AHCY: variants seen among roughly 807,000 people sequenced by gnomAD.
The protein encoded by AHCY is adenosylhomocysteinase, also known as S-adenosyl-L-homocysteine hydrolase.
Under a neutral mutation model 45.4 loss-of-function variants are expected in AHCY, and 24 were observed. That is an observed-to-expected ratio of 0.53 (90% CI 0.38 to 0.74). The LOEUF (loss-of-function observed/expected upper bound fraction) is 0.74. AHCY is among the 30% of genes least tolerant of loss of function. The pLI is 0.00. For missense variants in AHCY, 449 were observed against 594.1 expected (o/e 0.76, Z 2.54); for synonymous variants, 245 against 235.1 (o/e 1.04, Z -0.39).
the AHCY span, among the ~76,000 whole-genome samples, chr20:34,252,251 C>T: frequency 6.6e-5 from 10 of 152,140 alleles, no homozygotes; most frequent in African/African-American, 2.4e-4. Flanking sequence ...ATACAGAGGA[C>T]CCGCACTGGT....
intron 8 of AHCY, among the ~76,000 whole-genome samples, chr20:34,285,858 T>C (rs932958682): frequency 8.5e-5 from 13 of 152,090 alleles, no homozygotes; most frequent in African/African-American, 2.9e-4. Context: ...CCCAGCACTT[T>C]GGAAGGCCGA....
upstream of AHCY, among the ~76,000 whole-genome samples, chr20:34,304,525 A>T (rs1362360773): frequency 1.4e-5 from 2 of 142,180 alleles, no homozygotes; most frequent in Non-Finnish European, 3.1e-5. Flanking sequence ...TTTCCCCTGA[A>T]TTTTTTTTTT....
the AHCY span, among the ~76,000 whole-genome samples, chr20:34,249,084 G>GCT: frequency 6.6e-6 from 1 of 150,454 alleles, no homozygotes; most frequent in Admixed American, 6.6e-5. Flanking sequence ...AGCTGAGATG[G>GCT]CACCACTGCA....
At chr20:34,292,624 G>T in intron 3 of AHCY, 117 bp from the exon 4 acceptor site, 1 of 1,463,936 alleles carries the variant, frequency 6.8e-7, no homozygotes, top group Non-Finnish European at 9.5e-7. Flanking sequence ...GCCACCTCCG[G>T]CCCCTCTGAA....
the AHCY span, among the ~76,000 whole-genome samples, chr20:34,239,223 C>A: frequency 4.6e-5 from 7 of 152,042 alleles, no homozygotes; most frequent in African/African-American, 1.7e-4. Context: ...CTCCCAACCC[C>A]ATGTTCAAAT....
the AHCY span, among the ~76,000 whole-genome samples, chr20:34,245,074 GC>G: frequency 6.6e-6 from 1 of 152,068 alleles, no homozygotes; most frequent in South Asian, 2.1e-4. Context: ...AGTGGCTCAT[GC>G]CTGTAATCCC....
chr20:34,276,667 G>T (rs2035912708), downstream of AHCY, among the ~76,000 whole-genome samples: 1 of 152,054 alleles, frequency 6.6e-6, no homozygotes, highest in Non-Finnish European at 1.5e-5. Context: ...TCTAGTCCTG[G>T]GGGAGTCTGA....
At chr20:34,295,639 G>C in intron 1 of AHCY, 54 bp from the exon 2 acceptor site, 1 of 1,586,682 alleles carries the variant, frequency 6.3e-7, no homozygotes, top group South Asian at 1.1e-5. Flanking sequence ...CACCAACCAA[G>C]AGGGGCGGTC....
the AHCY span, among the ~76,000 whole-genome samples, chr20:34,250,915 G>A: frequency 5.9e-5 from 9 of 152,170 alleles, no homozygotes; most frequent in African/African-American, 2.2e-4. Flanking sequence ...TGCCTTCAGT[G>A]CACACTCAGG....
Position 34,295,558 on chromosome 20 carries a change from C to G in AHCY, c.56G>C (p.Arg19Pro), listed in dbSNP as rs758133308. 1 of 1,614,138 alleles carries G rather than the reference C, an allele frequency of 6.2e-7. No homozygotes were observed. Among genetic ancestry groups the G allele is most frequent in the Non-Finnish European group, 8.5e-7 (1 of 1,180,026 alleles). Residue 19 changes from arginine to proline, a missense_variant, in exon 2 of 10, where the codon CGC becomes CCC. Coordinates refer to ENST00000217426, the MANE Select transcript of AHCY (RefSeq NM_000687.4). ...VADIGLAAWG[R>P]KALDIAENEM... ...GTTCTCAGCAATGTCCAGGGCCTTG[C>G]GTCCCCAGGCAGCCAGGCCGATGTC...
downstream of AHCY, among the ~76,000 whole-genome samples, chr20:34,279,352 T>C (rs1601630665): frequency 6.9e-6 from 1 of 144,064 alleles, no homozygotes; most frequent in Non-Finnish European, 1.5e-5. Context: ...ACCTGGGAGG[T>C]GGAGCTTGCA....
At chr20:34,311,460 C>T (rs1407496021) in intron 1 of AHCY, 1 of 152,304 alleles carries the variant, frequency 6.6e-6, no homozygotes, top group Non-Finnish European at 1.5e-5. Context: ...TCCTCCCGAC[C>T]TTTGTACCTG....
rs1476664748 is a variant in AHCY at position 34,298,607 on chromosome 20, GGA to G, written c.29-3024_29-3023del. On this transcript the variant is annotated intron_variant, in intron 1 of 9. Transcript: ENST00000217426. ...AGCAGACTGGGAAGTGGCGGCGGCG[GGA>G]GGGGGGGGGGTGTCTCCCTTTCCCC... 1.3e-3 allele frequency among the ~76,000 whole-genome samples: 178 copies of G among 135,840 alleles called. 7 individuals carry two copies. The highest frequency in any genetic ancestry group is 1.3e-3 in the South Asian group (6 of 4,470). 89.1% of individuals were successfully genotyped at this position (135,840 alleles called of 152,430 possible).
the AHCY span, among the ~76,000 whole-genome samples, chr20:34,274,901 C>G: frequency 6.6e-6 from 1 of 152,114 alleles, no homozygotes; most frequent in African/African-American, 2.4e-5. Flanking sequence ...CTGCAGTGAG[C>G]CATGAATGTG....
At chr20:34,284,771 C>T (rs1256283740) in intron 9 of AHCY, among the ~76,000 whole-genome samples, 1 of 152,058 alleles carries the variant, frequency 6.6e-6, no homozygotes, top group African/African-American at 2.4e-5. Context: ...TGCAGTAAGC[C>T]GAGATCACGT....
intron 1 of AHCY, among the ~76,000 whole-genome samples, chr20:34,309,132 G>A (rs894948457): frequency 2.0e-5 from 3 of 147,864 alleles, no homozygotes; most frequent in African/African-American, 7.5e-5. Context: ...GCTAATTTTT[G>A]TATTTTTAGT....
chr20:34,246,394 A>G, the AHCY span: 1 of 1,388,596 alleles, frequency 7.2e-7, no homozygotes, highest in Non-Finnish European at 1.0e-6. Context: ...TACAATGAGC[A>G]ACATCAGGCA....
the AHCY span, among the ~76,000 whole-genome samples, chr20:34,266,508 ACT>A: frequency 6.6e-6 from 1 of 152,020 alleles, no homozygotes; most frequent in South Asian, 2.1e-4. Context: ...CCCCGTCTCT[ACT>A]AAAAATACAA....
chr20:34,290,402 T>C lies in AHCY; in HGVS notation c.902A>G (p.His301Arg). ...CTTGACATCGATCTCCACGTCAAAG[T>C]GTCCAATGTTACACACAATGGCATC... ...KDDAIVCNIG[H>R]FDVEIDVKWL... Residue 301 changes from histidine to arginine, a missense_variant, in exon 8 of 10, where the codon CAC (histidine) becomes CGC (arginine). By Grantham distance (29) the His-to-Arg change is conservative. Coordinates refer to ENST00000217426, the MANE Select transcript of AHCY (RefSeq NM_000687.4). The surrounding 1 kb of genome is among the most constrained non-coding windows in gnomAD (Gnocchi z 4.5). 2 of 1,614,198 alleles carry C rather than the reference T, an allele frequency of 1.2e-6. No individual in the cohort carries two copies. Among genetic ancestry groups the C allele is most frequent in the South Asian group, 1.1e-5 (1 of 91,084 alleles).
Sources: allele counts gnomAD v4.1 joint callset (sites outside exome capture counted in the v4.1 genomes callset), GRCh38; gene constraint gnomAD v4.1.1; non-coding constraint Gnocchi (gnomAD v3.1); transcripts MANE v1.5; gene names NCBI Gene and HGNC (gene_info 2026-07-23, HGNC 2026-07-21).